IYD: variants seen among roughly 807,000 people sequenced by gnomAD.
IYD encodes iodotyrosine deiodinase, also known as iodotyrosine deiodinase 1.
A neutral mutation model predicts 28.4 loss-of-function variants in IYD; 25 were observed. That is an observed-to-expected ratio of 0.88 (90% CI 0.64 to 1.23). IYD has a LOEUF of 1.23. Ranked by LOEUF, IYD falls within the 50% of genes most tolerant of loss-of-function variation. The probability of loss-of-function intolerance (pLI) is 0.00; values close to 1 mark genes in which losing one functional copy is unlikely to be tolerated. For synonymous variants in IYD, 140 were observed against 130.8 expected (o/e 1.07, Z -0.48); for missense variants, 352 against 357.9 (o/e 0.98, Z 0.13).
At chr6:150,385,154 T>C (rs955715215) in intron 1 of IYD, 1 of 152,222 alleles carries the variant, frequency 6.6e-6, no homozygotes, top group African/African-American at 2.4e-5. Context: ...TTTTCTCATG[T>C]TTAATCTTTT....
In IYD at chr6:150,389,456, G is replaced by T; in HGVS notation, c.283G>T (p.Glu95Ter). Residue 95 changes from glutamate (E) to a stop codon, truncating the protein, a stop_gained, in exon 2 of 5, where the codon GAA (glutamate) becomes TAA (stop). Transcript: ENST00000344419. LOFTEE classifies it high-confidence loss of function. ...GGTTAAGAGGTCTCAGGAATTTTAT[G>T]AACTTCTCAATAAGAGACGGTCAGT... ...EMVKRSQEFYELLNKRRSVRF... is the reference protein window; with the variant it reads ...EMVKRSQEFY The T allele has an allele frequency of 6.2e-7, 1 of 1,613,912 alleles. No homozygotes were observed. The highest frequency in any genetic ancestry group is 8.5e-7 in the Non-Finnish European group (1 of 1,179,874).
At position 150,369,930 on chromosome 6, in the gene IYD, G is replaced by A. The variant is rs142185239; in HGVS notation, c.178+721G>A. 7.3e-4 allele frequency: 510 copies of A among 701,442 alleles called. 5 individuals are homozygous for A. In the African/African-American group the frequency reaches 8.0e-3, roughly 11 times the overall value. The allele number at this position is 701,442 out of a possible 1,614,324, so 43.5% of individuals were successfully genotyped here. A position where few individuals can be genotyped will look rare whatever the true frequency, so the allele number is the denominator to read the frequency against. On this transcript the variant is annotated intron_variant, in intron 1 of 4. Transcript: ENST00000344419. ...GAGGAAGTGGAGAATTGAGGGTGGA[G>A]GGAGAGGGTAAGAATGGAAGTAGAG...
At chr6:150,395,914 T>G in intron 4 of IYD, 1 of 512,132 alleles carries the variant, frequency 2.0e-6, no homozygotes, top group South Asian at 2.7e-5. Flanking sequence ...GGCCACTGAG[T>G]CCCCTATCAA....
At chr6:150,386,235 A>G (rs1159679528) in intron 1 of IYD, among the ~76,000 whole-genome samples, 2 of 151,982 alleles carry the variant, frequency 1.3e-5, no homozygotes, top group African/African-American at 2.4e-5. Context: ...TATCTAATGT[A>G]TGTATGTGTA....
At chr6:150,391,307 T>C (rs1778111357) in intron 2 of IYD, among the ~76,000 whole-genome samples, 1 of 151,728 alleles carries the variant, frequency 6.6e-6, no homozygotes, top group Admixed American at 6.6e-5. Context: ...GCCACACTCA[T>C]AGCTTTGATA....
At chr6:150,375,611 T>C (rs763449528) in intron 1 of IYD, among the ~76,000 whole-genome samples, 1 of 148,880 alleles carries the variant, frequency 6.7e-6, no homozygotes, top group Admixed American at 6.8e-5. Context: ...AGGAAGTGGG[T>C]CAAAGCAGCC....
chr6:150,376,231 A>G (rs1485556726), intron 1 of IYD, among the ~76,000 whole-genome samples: 1 of 152,058 alleles, frequency 6.6e-6, no homozygotes, highest in African/African-American at 2.4e-5. Flanking sequence ...ATGAAAAGAA[A>G]TTTCTCCTCT....
intron 1 of IYD, among the ~76,000 whole-genome samples, chr6:150,375,754 C>T (rs1210886629): frequency 1.3e-5 from 2 of 152,168 alleles, no homozygotes; most frequent in African/African-American, 2.4e-5. Context: ...GGGAAAGAGG[C>T]ATTGTCGGGG....
chr6:150,384,812 A>T (rs1777801110), intron 1 of IYD: 1 of 152,200 alleles, frequency 6.6e-6, no homozygotes, highest in Admixed American at 6.5e-5. Flanking sequence ...GTTTGTAGAG[A>T]CTATCTTGAA....
chr6:150,371,640 C>G (rs1777245394), intron 1 of IYD, among the ~76,000 whole-genome samples: 2 of 152,184 alleles, frequency 1.3e-5, no homozygotes, highest in South Asian at 4.1e-4. Flanking sequence ...AATGCTTTGC[C>G]TCTTCATTCT....
chr6:150,373,771 G>C (rs1260695380), intron 1 of IYD, among the ~76,000 whole-genome samples: 2 of 152,210 alleles, frequency 1.3e-5, no homozygotes, highest in Non-Finnish European at 2.9e-5. Context: ...ACTCTGCTCA[G>C]AGAGTCGAGC....
Position 150,394,206 on chromosome 6 carries a change from A to G in IYD, c.638A>G (p.Asn213Ser). ...ANGKKKVHYY[N>S]EISVSIACGI... Reference sequence around the variant, plus strand: ...GGCAAGAAAAAAGTCCACTACTACAATGAGATCAGTGTTTCCATCGCTTGT... The same window carrying G: ...GGCAAGAAAAAAGTCCACTACTACAGTGAGATCAGTGTTTCCATCGCTTGT... The change falls in exon 4 of 5, where the codon AAT (asparagine) becomes AGT (serine). Residue 213 changes from asparagine to serine, a missense_variant. Coordinates refer to ENST00000344419, the MANE Select transcript of IYD (RefSeq NM_203395.3). 6.2e-7 allele frequency: 1 copy of G among 1,614,206 alleles called. No individual in the cohort carries two copies. The highest frequency in any genetic ancestry group is 8.5e-7 in the Non-Finnish European group (1 of 1,180,034).
chr6:150,396,839 A>G (rs968935098), intron 4 of IYD: 1 of 161,542 alleles, frequency 6.2e-6, no homozygotes, highest in African/African-American at 2.4e-5. Flanking sequence ...CCGCCACTGC[A>G]CTCCAGCCTG....
chr6:150,373,613 T>C (rs775634638), intron 1 of IYD, among the ~76,000 whole-genome samples: 4 of 152,160 alleles, frequency 2.6e-5, no homozygotes, highest in Non-Finnish European at 4.4e-5. Flanking sequence ...GTTAAATCAT[T>C]AGTGGCTTGA....
At chr6:150,397,304 C>T (rs1778357683) in intron 4 of IYD, among the ~76,000 whole-genome samples, 1 of 152,054 alleles carries the variant, frequency 6.6e-6, no homozygotes, top group Non-Finnish European at 1.5e-5. Flanking sequence ...TATGGTGGCT[C>T]ACACTTGTAA....
chr6:150,395,423 G>T (rs1249150475), intron 4 of IYD: 1 of 1,537,114 alleles, frequency 6.5e-7, no homozygotes. Context: ...TGAAGGAGCT[G>T]GCATTGATTT....
At chr6:150,389,232 T>C in intron 1 of IYD, 120 bp from the exon 2 acceptor site, 1 of 711,940 alleles carries the variant, frequency 1.4e-6, no homozygotes, top group South Asian at 1.6e-5. Flanking sequence ...TTTTTCATTT[T>C]ATAGTATTTT....
chr6:150,386,143 C>T (rs968602740), intron 1 of IYD, among the ~76,000 whole-genome samples: 1 of 151,706 alleles, frequency 6.6e-6, no homozygotes, highest in Non-Finnish European at 1.5e-5. Flanking sequence ...TTTACTTTTT[C>T]TACTATCTTT....
chr6:150,402,309 A>G lies in IYD; in HGVS notation c.*4072A>G, dbSNP rs1401801034. ...TGGAAGAGGTCACCCCAACAATTCC[A>G]TCGTACCTTGGCCTAGGAGTGACCT... On this transcript the variant is annotated 3_prime_UTR_variant, in exon 5 of 5. Coordinates refer to ENST00000344419, the MANE Select transcript of IYD (RefSeq NM_203395.3). 6.6e-6 allele frequency: 1 copy of G among 152,168 alleles called. No homozygotes were observed. The highest frequency in any genetic ancestry group is 1.9e-4 in the East Asian group (1 of 5,186). 9.4% of individuals were successfully genotyped at this position (152,168 alleles called of 1,614,324 possible).
Sources: gnomAD v4.1 joint callset for allele counts (sites outside exome capture counted in the v4.1 genomes callset) on GRCh38, gnomAD v4.1.1 for gene constraint, MANE v1.5 for transcripts, NCBI Gene and HGNC (gene_info 2026-07-23, HGNC 2026-07-21) for gene names.